LPP: variants seen among roughly 807,000 people sequenced by gnomAD.
LPP encodes the protein LIM domain containing preferred translocation partner in lipoma.
In LPP, 38 loss-of-function variants were observed where a neutral mutation model predicts 60.4. The ratio of observed to expected loss-of-function variants is 0.63; its 90% CI spans 0.49 to 0.83. The LOEUF (loss-of-function observed/expected upper bound fraction) is 0.83. Ranked by LOEUF, LPP falls within the 40% of genes least tolerant of loss-of-function variation. LPP has a pLI of 0.00. For missense variants in LPP, 902 were observed against 783.6 expected (o/e 1.15, Z -1.80); for synonymous variants, 328 against 290.8 (o/e 1.13, Z -1.30).
chr3:188,750,103 A>G (rs959755670), intron 8 of LPP, among the ~76,000 whole-genome samples: 1 of 152,276 alleles, frequency 6.6e-6, no homozygotes, highest in African/African-American at 2.4e-5. Context: ...ACCTCCTCAC[A>G]TGGCAGACAG....
intron 3 of LPP, among the ~76,000 whole-genome samples, chr3:188,360,097 T>C (rs1160127864): frequency 6.6e-6 from 1 of 152,216 alleles, no homozygotes; most frequent in Non-Finnish European, 1.5e-5. Context: ...GGCTTCCTTA[T>C]CGTTAGTGTC....
intron 7 of LPP, among the ~76,000 whole-genome samples, chr3:188,613,261 CCTATAT>C (rs61366207): frequency 0.03 from 3,542 of 117,300 alleles, 123 homozygotes; most frequent in African/African-American, 0.086. Flanking sequence ...TATATCTATA[CCTATAT>C]CTATATCTAT....
intron 9 of LPP, among the ~76,000 whole-genome samples, chr3:188,819,792 T>A (rs1753480205): frequency 6.6e-6 from 1 of 152,060 alleles, no homozygotes; most frequent in Admixed American, 6.5e-5. Flanking sequence ...AGAAAGACAG[T>A]TTAGGCCTGG....
chr3:188,357,145 TAAG>T (rs917619912), intron 3 of LPP, among the ~76,000 whole-genome samples: 6 of 152,106 alleles, frequency 3.9e-5, no homozygotes, highest in African/African-American at 1.4e-4. Flanking sequence ...GTAGAGACTA[TAAG>T]AAGAACAAAA....
chr3:188,738,154 A>T (rs1159340135), intron 8 of LPP, among the ~76,000 whole-genome samples: 1 of 152,148 alleles, frequency 6.6e-6, no homozygotes, highest in Non-Finnish European at 1.5e-5. Context: ...CTGACCTGTC[A>T]TTATTGAAAA....
chr3:188,481,758 A>G (rs1804843954), intron 4 of LPP, among the ~76,000 whole-genome samples: 1 of 152,186 alleles, frequency 6.6e-6, no homozygotes, highest in Non-Finnish European at 1.5e-5. Flanking sequence ...CAGTCACATC[A>G]ATCACCCAGG....
chr3:188,475,772 G>C (rs187790853), intron 4 of LPP, among the ~76,000 whole-genome samples: 1 of 152,032 alleles, frequency 6.6e-6, no homozygotes, highest in African/African-American at 2.4e-5. Context: ...GCGTGGTGGC[G>C]GGCGCCTGTA....
Position 188,875,629 on chromosome 3 carries a change from A to G in LPP, c.*1150A>G. On this transcript the variant is annotated 3_prime_UTR_variant, in exon 12 of 12. Coordinates refer to ENST00000617246, the MANE Select transcript of LPP (RefSeq NM_001375462.1). ...TTCATTATTCTCATAATCCTTCTGC[A>G]ACTGAAATTACATATTGCAGGAGAC... 1 of 204,790 alleles carries G rather than the reference A, an allele frequency of 4.9e-6. No homozygotes were observed. Among genetic ancestry groups the G allele is most frequent in the South Asian group, 1.9e-4 (1 of 5,278 alleles). 12.7% of individuals were successfully genotyped at this position (204,790 alleles called of 1,614,324 possible). A position where few individuals can be genotyped will look rare whatever the true frequency, so the allele number is the denominator to read the frequency against.
intron 7 of LPP, among the ~76,000 whole-genome samples, chr3:188,701,999 G>C (rs1397546569): frequency 7.8e-6 from 1 of 128,060 alleles, no homozygotes; most frequent in Non-Finnish European, 1.6e-5. Context: ...GCCCAGGCTG[G>C]AATGCAATGA....
rs796854554 is a variant in LPP at position 188,860,791 on chromosome 3, T to C, written c.1411-5409T>C. Among the ~76,000 whole-genome samples the C allele has an allele frequency of 2.0e-5, 3 of 152,248 alleles. No homozygotes were observed. In the South Asian group the frequency reaches 6.2e-4, roughly 31 times the overall value. On this transcript the variant is annotated intron_variant, in intron 9 of 11. Transcript: ENST00000617246. ...AGTTTTCTCTTGTCCTATAGGAGTT[T>C]AGGAGACAAACTGTCTTAAGATCTT... is the stretch of plus-strand genomic sequence containing the variant.
chr3:188,575,883 C>G (rs941288537), intron 6 of LPP, among the ~76,000 whole-genome samples: 1 of 152,046 alleles, frequency 6.6e-6, no homozygotes, highest in African/African-American at 2.4e-5. Context: ...AAGAAAATGC[C>G]TCTATGTGAT....
intron 9 of LPP, among the ~76,000 whole-genome samples, chr3:188,762,011 GTT>G (rs79536923): frequency 0.014 from 2,076 of 152,038 alleles, 54 homozygotes; most frequent in African/African-American, 0.048. Flanking sequence ...ATACTGCTGT[GTT>G]TTTTTATAGC....
At chr3:188,660,648 G>GTGTT (rs1854367416) in intron 7 of LPP, among the ~76,000 whole-genome samples, 1 of 151,672 alleles carries the variant, frequency 6.6e-6, no homozygotes, top group Non-Finnish European at 1.5e-5. Flanking sequence ...AAAGATCTGT[G>GTGTT]TGTGTGTGTG....
chr3:188,765,669 T>C (rs1344253910), intron 9 of LPP, among the ~76,000 whole-genome samples: 2 of 152,002 alleles, frequency 1.3e-5, no homozygotes, highest in East Asian at 3.9e-4. Flanking sequence ...CTTTATTGCT[T>C]GGCCCATACT....
At chr3:188,392,092 G>A (rs184050807) in intron 3 of LPP, among the ~76,000 whole-genome samples, 1 of 152,274 alleles carries the variant, frequency 6.6e-6, no homozygotes, top group Admixed American at 6.5e-5. Flanking sequence ...CATATTTCGG[G>A]CATGTCTTCC....
At chr3:188,187,365 A>G (rs1432073011) in intron 1 of LPP, among the ~76,000 whole-genome samples, 1 of 152,216 alleles carries the variant, frequency 6.6e-6, no homozygotes, top group East Asian at 1.9e-4. Flanking sequence ...TTCCCTTAGC[A>G]TCAAAATCTA....
At chr3:188,861,614 A>G (rs1765217649) in intron 9 of LPP, among the ~76,000 whole-genome samples, 1 of 152,126 alleles carries the variant, frequency 6.6e-6, no homozygotes, top group Non-Finnish European at 1.5e-5. Context: ...TATGTTATCT[A>G]TATGCTTCAT....
chr3:188,277,787 C>T (rs1740506498), intron 2 of LPP, among the ~76,000 whole-genome samples: 1 of 152,168 alleles, frequency 6.6e-6, no homozygotes, highest in East Asian at 1.9e-4. Flanking sequence ...AATGCCGAGA[C>T]ATGACCTCCA....
At chr3:188,593,815 T>C (rs1360473689) in intron 6 of LPP, among the ~76,000 whole-genome samples, 1 of 152,234 alleles carries the variant, frequency 6.6e-6, no homozygotes, top group Admixed American at 6.5e-5. Context: ...TGTATATGTA[T>C]ACACCGTAGT....
Sources: allele counts gnomAD v4.1 joint callset (sites outside exome capture counted in the v4.1 genomes callset), GRCh38; gene constraint gnomAD v4.1.1; transcripts MANE v1.5; gene names NCBI Gene and HGNC (gene_info 2026-07-23, HGNC 2026-07-21).